The following ZNF316 variants were observed in gnomAD, a reference collection of about 807,000 sequenced individuals.
The protein encoded by ZNF316 is zinc finger protein 316.
Under a neutral mutation model 75.6 loss-of-function variants are expected in ZNF316, and 23 were observed. The observed-to-expected ratio is 0.30, with a 90% CI of 0.22 to 0.43. The LOEUF (loss-of-function observed/expected upper bound fraction) is 0.43. Among genes scored for constraint, ZNF316 ranks in the 20% least tolerant of loss-of-function variants. ZNF316 has a pLI of 1.00. For synonymous variants in ZNF316, 827 were observed against 666.2 expected, an observed-to-expected ratio of 1.24 and a Z score of -3.72; for missense variants, 1,266 against 1,409.4, an observed-to-expected ratio of 0.90 and a Z score of 1.63.
chr7:6,644,961 T>G (rs1779373376), intron 8 of ZNF316, among the ~76,000 whole-genome samples: 1 of 152,138 alleles, frequency 6.6e-6, no homozygotes, highest in African/African-American at 2.4e-5. Flanking sequence ...TCCTCCTGCT[T>G]CTCCGCCCAC....
rs545465942 is a variant in ZNF316, at chr7:6,644,612, T to C, written c.706+19T>C. The C allele has an allele frequency of 2.0e-5, 25 of 1,221,150 alleles. No individual in the cohort carries two copies. The South Asian group carries it at 7.9e-4, about 39-fold the overall frequency. 75.6% of individuals were successfully genotyped at this position (1,221,150 alleles called of 1,614,324 possible). ...TACACAGGTGAGCGTGGATGGAATTTTGCGGTTTGTGCCGATAGCTTCTCA... is the reference window on the plus strand; with the variant it reads ...TACACAGGTGAGCGTGGATGGAATTCTGCGGTTTGTGCCGATAGCTTCTCA... On this transcript the variant is annotated intron_variant, in intron 8 of 8. Coordinates refer to ENST00000382252, the MANE Select transcript of ZNF316 (RefSeq NM_001278559.2).
chr7:6,652,815 G>A lies in ZNF316; in HGVS notation c.1219G>A (p.Gly407Ser). The change falls in exon 9 of 9, where the codon GGC becomes AGC. Residue 407 changes from glycine to serine, a missense_variant. By Grantham distance (56) the Gly-to-Ser change is moderately conservative. Around this residue, in one of 3 missense-constraint regions of ZNF316, gnomAD observed 961 missense variants for 990.9 expected, o/e 0.97. Coordinates refer to ENST00000382252, the MANE Select transcript of ZNF316 (RefSeq NM_001278559.2). ...GAAGCCCTTCCCGTGCCCGGACTGC[G>A]GCAAGCGCTTCGTCTACAAGTCGCA... ...GEKPFPCPDC[G>S]KRFVYKSHLV... is the part of the protein sequence containing the mutation. The A allele has an allele frequency of 1.6e-6, 2 of 1,266,358 alleles. No individual in the cohort carries two copies. The highest frequency in any genetic ancestry group is 3.8e-5 in the Admixed American group (1 of 25,980). The allele number at this position is 1,266,358 out of a possible 1,614,324, so 78.4% of individuals were successfully genotyped here. A position where few individuals can be genotyped will look rare whatever the true frequency, so the allele number is the denominator to read the frequency against.
At chr7:6,643,688 C>T (rs1779350664) in intron 6 of ZNF316, 134 bp from the exon 7 acceptor site, 1 of 785,890 alleles carries the variant, frequency 1.3e-6, no homozygotes, top group Non-Finnish European at 1.7e-6. Flanking sequence ...TGTGGCAAGG[C>T]CTGAAAGCCC....
intron 8 of ZNF316, among the ~76,000 whole-genome samples, chr7:6,644,823 C>T (rs1779371083): frequency 6.6e-6 from 1 of 152,264 alleles, no homozygotes; most frequent in South Asian, 2.1e-4. Flanking sequence ...ATACCCTGCC[C>T]TGCGTTGGAG....
At position 6,655,941 on chromosome 7, in the gene ZNF316, C is replaced by T. The variant is rs1779617722; in HGVS notation, c.*1330C>T. 6.6e-6 allele frequency: 1 copy of T among 152,346 alleles called. No homozygotes were observed. Among genetic ancestry groups the T allele is most frequent in the African/African-American group, 2.4e-5 (1 of 41,460 alleles). 9.4% of individuals were successfully genotyped at this position (152,346 alleles called of 1,614,324 possible). A position where few individuals can be genotyped will look rare whatever the true frequency, so the allele number is the denominator to read the frequency against. On this transcript the variant is annotated 3_prime_UTR_variant, in exon 9 of 9. Coordinates refer to ENST00000382252, the MANE Select transcript of ZNF316 (RefSeq NM_001278559.2). ...TTCATGTGAAGCCCCATTCCCCTCA[C>T]GCTTTTGGGGCCACTGTGAATGGGG...
In ZNF316 at chr7:6,642,909, G is replaced by C. The variant is rs1779335972; in HGVS notation, c.356-55G>C. The stretch of plus-strand genomic sequence containing the variant: ...CAATGAGGGTGTTGCCAGGGCTCCT[G>C]GCCCTGCAGGCTGGGGGCTCAGGGC... On this transcript the variant is annotated intron_variant, in intron 5 of 8. Transcript: ENST00000382252. The surrounding 1 kb of genome is among the most constrained non-coding windows in gnomAD (Gnocchi z 8.1). 1 of 1,232,320 alleles carries C rather than the reference G, an allele frequency of 8.1e-7. No individual in the cohort carries two copies. The allele number at this position is 1,232,320 out of a possible 1,614,324, so 76.3% of individuals were successfully genotyped here.
chr7:6,644,039 G>C lies in ZNF316; in HGVS notation c.592+91G>C, dbSNP rs892974256. 9.9e-6 allele frequency: 12 copies of C among 1,208,384 alleles called. No homozygotes were observed. In the African/African-American group the frequency reaches 1.4e-4, roughly 14 times the overall value. The allele number at this position is 1,208,384 out of a possible 1,614,324, so 74.9% of individuals were successfully genotyped here. On this transcript the variant is annotated intron_variant, in intron 7 of 8. Coordinates refer to ENST00000382252, the MANE Select transcript of ZNF316 (RefSeq NM_001278559.2). The stretch of plus-strand genomic sequence containing the variant: ...CTGACGGGGCGCTTTTCAAATCCCA[G>C]GGTCTTTCCAAAGGTGGATGCTGGG...
chr7:6,643,930 G>C lies in ZNF316; in HGVS notation c.574G>C (p.Gly192Arg). The change falls in exon 7 of 9, where the codon GGG (glycine) becomes CGG (arginine). Residue 192 changes from glycine (G) to arginine (R), a missense_variant. Transcript: ENST00000382252. ...CCAGGAAGTCATGCAGGAGAACTAT[G>C]GGATTCTCGTGTCCTTGGGTAAGGA... ...LYQEVMQENY[G>R]ILVSLGYPIP... is the part of the protein sequence containing the mutation. The C allele has an allele frequency of 8.1e-7, 1 of 1,233,190 alleles. No individual in the cohort carries two copies. 76.4% of individuals were successfully genotyped at this position (1,233,190 alleles called of 1,614,324 possible). A position where few individuals can be genotyped will look rare whatever the true frequency, so the allele number is the denominator to read the frequency against.
In ZNF316 at chr7:6,646,348, A is replaced by G. The variant is rs571888734; in HGVS notation, c.706+1755A>G. Among the ~76,000 whole-genome samples the G allele has an allele frequency of 2.0e-5, 3 of 152,362 alleles. No individual in the cohort carries two copies. In the South Asian group the frequency reaches 6.2e-4, roughly 32 times the overall value. ...AGTCTGGGATGTGGATGACGCTCTC[A>G]GGAAGAGAAGGGGACACAGACCTGC... On this transcript the variant is annotated intron_variant, in intron 8 of 8. Coordinates refer to ENST00000382252, the MANE Select transcript of ZNF316 (RefSeq NM_001278559.2).
In ZNF316 at chr7:6,652,862, C is replaced by T; in HGVS notation, c.1266C>T (p.Ile422=). 8.0e-7 allele frequency: 1 copy of T among 1,245,316 alleles called. No individual in the cohort carries two copies. The highest frequency in any genetic ancestry group is 2.1e-4 in the Middle Eastern group (1 of 4,780). The allele number at this position is 1,245,316 out of a possible 1,614,324, so 77.1% of individuals were successfully genotyped here. ...CGCACCTGGTTACGCACCGACGCAT[C>T]CATACTGGCGAGCGGCCCTACCGCT... ...YKSHLVTHRR[I]HTGERPYRCA... Residue 422 remains isoleucine, a synonymous_variant, in exon 9 of 9, where the codon ATC becomes ATT. Transcript: ENST00000382252.
chr7:6,653,552 T>C lies in ZNF316; in HGVS notation c.1956T>C (p.Pro652=), dbSNP rs1779557946. ...LVEGTGLACD[P]FGGGGAAGGG... ...AGGGTACCGGGCTGGCGTGCGACCC[T>C]TTCGGCGGCGGCGGGGCCGCGGGCG... Residue 652 remains proline (P), a synonymous_variant, in exon 9 of 9, where the codon CCT becomes CCC. Coordinates refer to ENST00000382252, the MANE Select transcript of ZNF316 (RefSeq NM_001278559.2). 8.4e-7 allele frequency: 1 copy of C among 1,184,506 alleles called. No homozygotes were observed. Among genetic ancestry groups the C allele is most frequent in the Non-Finnish European group, 1.0e-6 (1 of 958,064 alleles). 73.4% of individuals were successfully genotyped at this position (1,184,506 alleles called of 1,614,324 possible).
chr7:6,644,586 C>T lies in ZNF316; in HGVS notation c.699C>T (p.Val233=). ...RPEEGDIVTG[V]YTGAWFWTDD... ...AGGAAGGAGACATCGTCACTGGCGT[C>T]TACACAGGTGAGCGTGGATGGAATT... The change falls in exon 8 of 9, where the codon GTC becomes GTT. Residue 233 remains valine, a synonymous_variant. Coordinates refer to ENST00000382252, the MANE Select transcript of ZNF316 (RefSeq NM_001278559.2). The T allele has an allele frequency of 8.1e-7, 1 of 1,231,666 alleles. No homozygotes were observed. Among genetic ancestry groups the T allele is most frequent in the Non-Finnish European group, 1.0e-6 (1 of 987,360 alleles). The allele number at this position is 1,231,666 out of a possible 1,614,324, so 76.3% of individuals were successfully genotyped here.
At chr7:6,651,042 A>T (rs1295556749) in intron 8 of ZNF316, among the ~76,000 whole-genome samples, 4 of 152,156 alleles carry the variant, frequency 2.6e-5, no homozygotes, top group Non-Finnish European at 5.9e-5. Context: ...AGAATGGGGG[A>T]AGCTGAGCAA....
intron 8 of ZNF316, 94 bp from the exon 9 acceptor site, chr7:6,652,209 C>T (rs1779519005): frequency 8.5e-6 from 10 of 1,176,892 alleles, no homozygotes; most frequent in Non-Finnish European, 1.1e-5. Context: ...CTGGTGGCGT[C>T]TCGGAAGCCC....
chr7:6,638,588 A>G (rs1410663726), intron 2 of ZNF316, among the ~76,000 whole-genome samples: 1 of 152,018 alleles, frequency 6.6e-6, no homozygotes, highest in African/African-American at 2.4e-5. Context: ...GTCACCTCCC[A>G]TTCTAAATGT....
rs1213886185 is a variant in ZNF316 at position 6,656,214 on chromosome 7, G to A, written c.*1603G>A. 1 of 152,300 alleles carries A rather than the reference G, an allele frequency of 6.6e-6. No individual in the cohort carries two copies. Among genetic ancestry groups the A allele is most frequent in the African/African-American group, 2.4e-5 (1 of 41,406 alleles). The allele number at this position is 152,300 out of a possible 1,614,324, so 9.4% of individuals were successfully genotyped here. On this transcript the variant is annotated 3_prime_UTR_variant, in exon 9 of 9. Transcript: ENST00000382252. Reference sequence around the variant, plus strand: ...GAGCAGGGGTCCCAGGGAGGCATTGGGGTGCTGGGTAATGACCTCGGCCCT... The same window carrying A: ...GAGCAGGGGTCCCAGGGAGGCATTGAGGTGCTGGGTAATGACCTCGGCCCT...
intron 8 of ZNF316, among the ~76,000 whole-genome samples, chr7:6,651,045 C>T (rs1779498966): frequency 6.6e-6 from 1 of 152,108 alleles, no homozygotes; most frequent in South Asian, 2.1e-4. Flanking sequence ...ATGGGGGAAG[C>T]TGAGCAAAGC....
chr7:6,647,990 G>A lies in ZNF316; in HGVS notation c.706+3397G>A, dbSNP rs571067496. On this transcript the variant is annotated intron_variant, in intron 8 of 8. Transcript: ENST00000382252. ...ACTGTTCTGGGGGCTGTGCTGCTGGGGACATTGGTTGGCCCCTGGGATCAC... is the reference window on the plus strand; with the variant it reads ...ACTGTTCTGGGGGCTGTGCTGCTGGAGACATTGGTTGGCCCCTGGGATCAC... Among the ~76,000 whole-genome samples, 4 of 152,334 alleles carry A rather than the reference G, an allele frequency of 2.6e-5. No individual in the cohort carries two copies. In the South Asian group the frequency reaches 8.3e-4, roughly 32 times the overall value.
chr7:6,644,211 C>T (rs887262252), intron 7 of ZNF316, among the ~76,000 whole-genome samples: 1 of 152,064 alleles, frequency 6.6e-6, no homozygotes, highest in Non-Finnish European at 1.5e-5. Flanking sequence ...CCTGAAGCCT[C>T]CAGGGGTGAG....
Sources: gnomAD v4.1 joint callset for allele counts (sites outside exome capture counted in the v4.1 genomes callset) on GRCh38, gnomAD v4.1.1 for gene constraint, gnomAD v4.1.1 regional missense constraint, Gnocchi (gnomAD v3.1) non-coding constraint, MANE v1.5 for transcripts, NCBI Gene and HGNC (gene_info 2026-07-23, HGNC 2026-07-21) for gene names.